The following TRAF3IP3 variants were observed in gnomAD, a reference collection of about 807,000 sequenced individuals.
The protein encoded by TRAF3IP3 is TRAF3-interacting JNK-activating modulator.
A neutral mutation model predicts 86.5 loss-of-function variants in TRAF3IP3; 64 were observed. That is an observed-to-expected ratio of 0.74 (90% CI 0.60 to 0.91). The LOEUF (loss-of-function observed/expected upper bound fraction) is 0.91. Ranked by LOEUF, TRAF3IP3 falls within the 40% of genes least tolerant of loss-of-function variation. The pLI is 0.00. For missense variants in TRAF3IP3, 579 were observed against 642.9 expected, an observed-to-expected ratio of 0.90 and a Z score of 1.07; for synonymous variants, 220 against 243.9, an observed-to-expected ratio of 0.90 and a Z score of 0.91.
At chr1:209,771,852 C>T (rs1431744396) in intron 8 of TRAF3IP3, among the ~76,000 whole-genome samples, 1 of 146,038 alleles carries the variant, frequency 6.8e-6, no homozygotes, top group African/African-American at 2.5e-5. Flanking sequence ...TACGTGTGTG[C>T]AGGTGGAAGT....
intron 13 of TRAF3IP3, 48 bp downstream of exon 13, chr1:209,778,221 T>C: frequency 6.4e-7 from 1 of 1,565,216 alleles, no homozygotes; most frequent in Non-Finnish European, 8.8e-7. Flanking sequence ...TTTCCTGGGG[T>C]CCTGGCCCAC....
At chr1:209,770,240 A>C (rs957139554) in intron 8 of TRAF3IP3, among the ~76,000 whole-genome samples, 5 of 152,238 alleles carry the variant, frequency 3.3e-5, no homozygotes, top group Admixed American at 2.0e-4. Context: ...CTGCTTTAAT[A>C]TCTCTCCGTT....
chr1:209,773,619 C>T (rs1215805494), intron 9 of TRAF3IP3, among the ~76,000 whole-genome samples: 1 of 152,120 alleles, frequency 6.6e-6, no homozygotes, highest in Non-Finnish European at 1.5e-5. Context: ...GGGAAGATAT[C>T]AAATCAGAGA....
chr1:209,757,406 A>G (rs1307537474), intron 1 of TRAF3IP3, among the ~76,000 whole-genome samples: 2 of 152,142 alleles, frequency 1.3e-5, no homozygotes, highest in African/African-American at 2.4e-5. Flanking sequence ...ACCTGTGGGG[A>G]AGCTGAGCCA....
Position 209,771,903 on chromosome 1 carries a change from G to A in TRAF3IP3, c.703-1045G>A, listed in dbSNP as rs545318207. Among the ~76,000 whole-genome samples, 11 of 122,530 alleles carry A rather than the reference G, an allele frequency of 9.0e-5. No homozygotes were observed. The East Asian group carries it at 2.7e-3, about 30-fold the overall frequency. The allele number at this position is 122,530 out of a possible 152,430, so 80.4% of individuals were successfully genotyped here. ...GAGGTGTGTGCGCGCATGTGAAGGT[G>A]TGTGTGTATATGGAGGTGTGCGTGT... On this transcript the variant is annotated intron_variant, in intron 8 of 16. Coordinates refer to ENST00000367025, the MANE Select transcript of TRAF3IP3 (RefSeq NM_025228.4).
rs113229339 is a variant in TRAF3IP3 at position 209,780,457 on chromosome 1, G to T, written c.1313-13G>T. On this transcript the variant is annotated splice_polypyrimidine_tract_variant and intron_variant, in intron 14 of 16. Coordinates refer to ENST00000367025, the MANE Select transcript of TRAF3IP3 (RefSeq NM_025228.4). ...GGGCCTCACTGTCACCAAGAATCTG[G>T]CTGCTTTTTTAGATCAGGCTTTGCC... 2 of 1,543,696 alleles carry T rather than the reference G, an allele frequency of 1.3e-6. No homozygotes were observed. The highest frequency in any genetic ancestry group is 1.2e-5 in the South Asian group (1 of 83,420).
chr1:209,765,988 G>A (rs2077349016), intron 8 of TRAF3IP3, among the ~76,000 whole-genome samples: 1 of 152,196 alleles, frequency 6.6e-6, no homozygotes, highest in Non-Finnish European at 1.5e-5. Flanking sequence ...GCTACAAGCA[G>A]CTTGACACCA....
At chr1:209,775,761 G>A (rs1352310891) in intron 11 of TRAF3IP3, 25 bp downstream of exon 11, 2 of 1,595,154 alleles carry the variant, frequency 1.3e-6, no homozygotes, top group Admixed American at 3.4e-5. Context: ...GGGTGGGGAG[G>A]GAAGACAGGG....
chr1:209,768,504 G>A (rs748960305), intron 8 of TRAF3IP3: 34 of 985,458 alleles, frequency 3.5e-5, no homozygotes, highest in East Asian at 1.1e-4. Context: ...ACAGCGCAGC[G>A]GGGATTGGCT....
intron 8 of TRAF3IP3, chr1:209,768,285 C>G: frequency 1.0e-6 from 1 of 985,444 alleles, no homozygotes; most frequent in Non-Finnish European, 1.2e-6. Context: ...TCAGCTCCCT[C>G]CGCTGGCTTC....
chr1:209,768,155 G>T, intron 8 of TRAF3IP3: 10 of 985,388 alleles, frequency 1.0e-5, no homozygotes, highest in Non-Finnish European at 1.1e-5. Context: ...AAAAATAATT[G>T]GAAGAAAGTG....
At chr1:209,760,510 A>G in intron 3 of TRAF3IP3, 126 bp downstream of exon 3, 1 of 781,592 alleles carries the variant, frequency 1.3e-6, no homozygotes, top group East Asian at 2.7e-5. Context: ...CATATAGTAA[A>G]GTTGCCAAGA....
At chr1:209,757,751 C>T (rs530968332) in intron 1 of TRAF3IP3, among the ~76,000 whole-genome samples, 11 of 152,278 alleles carry the variant, frequency 7.2e-5, no homozygotes, top group East Asian at 3.9e-4. Flanking sequence ...GGATAATATT[C>T]GCAATTACTT....
chr1:209,773,758 T>C (rs1377254062), intron 9 of TRAF3IP3, among the ~76,000 whole-genome samples: 1 of 152,232 alleles, frequency 6.6e-6, no homozygotes, highest in Admixed American at 6.5e-5. Flanking sequence ...ACAACTTTCA[T>C]TTTTTCAGTA....
Position 209,770,817 on chromosome 1 carries a change from G to A in TRAF3IP3, c.703-2131G>A, listed in dbSNP as rs537736054. Reference sequence around the variant, plus strand: ...TGCATATGGAGGTGTGTGTGTGCAGGTGGAGGTGTGTGTCTATATAGAAGT... The same window carrying A: ...TGCATATGGAGGTGTGTGTGTGCAGATGGAGGTGTGTGTCTATATAGAAGT... On this transcript the variant is annotated intron_variant, in intron 8 of 16. Transcript: ENST00000367025. Among the ~76,000 whole-genome samples, 8 of 116,034 alleles carry A rather than the reference G, an allele frequency of 6.9e-5. No homozygotes were observed. In the East Asian group the frequency reaches 1.9e-3, roughly 28 times the overall value. 76.1% of individuals were successfully genotyped at this position (116,034 alleles called of 152,430 possible).
In TRAF3IP3 at chr1:209,782,147, G is replaced by A. The variant is rs569357008; in HGVS notation, c.1655G>A (p.Ter552=). The part of the protein sequence containing the change: ...FLANKDNLMI[*] The stretch of plus-strand genomic sequence containing the variant: ...GCCAATAAAGACAACCTGATGATCT[G>A]AATAATTTGTGACAACTGCCTTGGG... Residue 552 remains the stop codon, a stop_retained_variant, in exon 17 of 17, where the codon TGA becomes TAA. Coordinates refer to ENST00000367025, the MANE Select transcript of TRAF3IP3 (RefSeq NM_025228.4). 99 of 1,613,060 alleles carry A rather than the reference G, an allele frequency of 6.1e-5. 2 individuals carry two copies. In the South Asian group the frequency reaches 1.0e-3, roughly 17 times the overall value.
At chr1:209,768,633 G>A in intron 8 of TRAF3IP3, 1 of 985,830 alleles carries the variant, frequency 1.0e-6, no homozygotes, top group Non-Finnish European at 1.2e-6. Context: ...CGCAGAAGCA[G>A]GAGCTGAAGA....
rs1558013197 is a variant in TRAF3IP3 at position 209,765,243 on chromosome 1, AAGGAAGGAAG to A, written c.702+1657_702+1666del. Reference sequence around the variant, plus strand: ...AGAGAGAGAGAGGAAGGAAGGAAGGAAGGAAGGAAGGAAGGAAGGAAGGAAGGAAGGAAGG... The same window carrying A: ...AGAGAGAGAGAGGAAGGAAGGAAGGAGAAGGAAGGAAGGAAGGAAGGAAGG... On this transcript the variant is annotated intron_variant, in intron 8 of 16. Coordinates refer to ENST00000367025, the MANE Select transcript of TRAF3IP3 (RefSeq NM_025228.4). Among the ~76,000 whole-genome samples the A allele has an allele frequency of 4.1e-3, 485 of 117,122 alleles. 19 individuals are homozygous for A. The highest frequency in any genetic ancestry group is 0.012 in the African/African-American group (396 of 33,928). 76.8% of individuals were successfully genotyped at this position (117,122 alleles called of 152,430 possible). A position where few individuals can be genotyped will look rare whatever the true frequency, so the allele number is the denominator to read the frequency against.
chr1:209,767,357 C>T (rs939463105), intron 8 of TRAF3IP3, among the ~76,000 whole-genome samples: 5 of 152,146 alleles, frequency 3.3e-5, no homozygotes, highest in African/African-American at 1.2e-4. Context: ...CAATTACTAT[C>T]TGAGGAAATG....
Sources: allele counts gnomAD v4.1 joint callset (sites outside exome capture counted in the v4.1 genomes callset), GRCh38; gene constraint gnomAD v4.1.1; transcripts MANE v1.5; gene names NCBI Gene and HGNC (gene_info 2026-07-23, HGNC 2026-07-21).